PRCP: variants seen among roughly 807,000 people sequenced by gnomAD.
The protein encoded by PRCP is prolylcarboxypeptidase, also known as lysosomal Pro-X carboxypeptidase.
Under a neutral mutation model 54.2 loss-of-function variants are expected in PRCP, and 46 were observed. That is an observed-to-expected ratio of 0.85 (90% confidence interval 0.67 to 1.09). The LOEUF (loss-of-function observed/expected upper bound fraction) is 1.09. Among genes scored for constraint, PRCP ranks in the 50% least tolerant of loss-of-function variants. PRCP has a pLI of 0.00. For synonymous variants in PRCP, 240 were observed against 212.2 expected (o/e 1.13, Z -1.14); for missense variants, 613 against 596.8 (o/e 1.03, Z -0.28).
intron 1 of PRCP, among the ~76,000 whole-genome samples, chr11:82,868,874 A>G (rs1859406120): frequency 6.6e-6 from 1 of 151,970 alleles, no homozygotes; most frequent in Non-Finnish European, 1.5e-5. Flanking sequence ...CTTCTCTACA[A>G]AAATACAAAA....
At chr11:82,870,317 A>T (rs1859449093) in intron 1 of PRCP, among the ~76,000 whole-genome samples, 1 of 152,222 alleles carries the variant, frequency 6.6e-6, no homozygotes. Flanking sequence ...AACAGGGAAG[A>T]GGTATAATAC....
intron 1 of PRCP, among the ~76,000 whole-genome samples, chr11:82,894,687 C>T (rs1480936777): frequency 6.6e-6 from 1 of 152,076 alleles, no homozygotes; most frequent in African/African-American, 2.4e-5. Context: ...AGTATGCTGA[C>T]AGAGGAATAT....
At chr11:82,877,415 C>T (rs1859633048) in intron 1 of PRCP, among the ~76,000 whole-genome samples, 1 of 152,166 alleles carries the variant, frequency 6.6e-6, no homozygotes, top group Non-Finnish European at 1.5e-5. Flanking sequence ...TCAGAGACCA[C>T]ACGGCAGCCC....
At chr11:82,880,618 C>T (rs188703408) in intron 1 of PRCP, among the ~76,000 whole-genome samples, 19 of 152,310 alleles carry the variant, frequency 1.2e-4, no homozygotes, top group African/African-American at 4.6e-4. Context: ...ATGCTGGGAG[C>T]TGTAGACTGG....
At chr11:82,886,696 T>C (rs1343019078) in intron 1 of PRCP, among the ~76,000 whole-genome samples, 1 of 152,234 alleles carries the variant, frequency 6.6e-6, no homozygotes, top group Non-Finnish European at 1.5e-5. Flanking sequence ...GTTTAAATCC[T>C]GGCTCTATCA....
In PRCP at chr11:82,850,077, T is replaced by C. The variant is rs1366252101; in HGVS notation, c.594-6A>G. The C allele has an allele frequency of 1.5e-6, 2 of 1,367,688 alleles. No homozygotes were observed. Among genetic ancestry groups the C allele is most frequent in the African/African-American group, 1.5e-5 (1 of 65,962 alleles). The allele number at this position is 1,367,688 out of a possible 1,614,324, so 84.7% of individuals were successfully genotyped here. ...GGGCAGAAGCTGCAAGAGCTCTAAA[T>C]GGCAAGAAAATCAAAGAAAGAAAAA... On this transcript the variant is annotated splice_polypyrimidine_tract_variant and splice_region_variant and intron_variant, in intron 4 of 8. Transcript: ENST00000313010.
chr11:82,868,972 G>A (rs1196281625), intron 1 of PRCP, among the ~76,000 whole-genome samples: 2 of 152,148 alleles, frequency 1.3e-5, no homozygotes, highest in Non-Finnish European at 2.9e-5. Flanking sequence ...GGAGGCAGAG[G>A]TTGCGGTAAG....
rs550953724 is a variant in PRCP, at chr11:82,862,997, A to C, written c.169-2880T>G. On this transcript the variant is annotated intron_variant, in intron 1 of 8. Coordinates refer to ENST00000313010, the MANE Select transcript of PRCP (RefSeq NM_005040.4). Reference sequence around the variant, plus strand: ...AAGGCAGACAGACAGTGAAAGGAAGACGGATAAGTGATTCCACCTGCTTCC... The same window carrying C: ...AAGGCAGACAGACAGTGAAAGGAAGCCGGATAAGTGATTCCACCTGCTTCC... 6.5e-4 allele frequency among the ~76,000 whole-genome samples: 99 copies of C among 152,354 alleles called. 1 individual carries two copies. The highest frequency in any genetic ancestry group is 2.2e-3 in the African/African-American group (93 of 41,586).
intron 8 of PRCP, among the ~76,000 whole-genome samples, chr11:82,832,585 T>G (rs1858415589): frequency 6.6e-6 from 1 of 152,238 alleles, no homozygotes; most frequent in African/African-American, 2.4e-5. Flanking sequence ...TTTAAGTTCC[T>G]TGTAGATTCT....
intron 1 of PRCP, among the ~76,000 whole-genome samples, chr11:82,863,551 T>C (rs1859259500): frequency 6.6e-6 from 1 of 152,174 alleles, no homozygotes; most frequent in African/African-American, 2.4e-5. Context: ...CCTAATGATT[T>C]TCACCTCACC....
chr11:82,884,671 A>G, intron 1 of PRCP: 2 of 1,133,496 alleles, frequency 1.8e-6, no homozygotes, highest in South Asian at 2.7e-5. Context: ...CTCCTTCTGA[A>G]GACCACAAAT....
Position 82,900,166 on chromosome 11 carries a change from G to C in PRCP, c.168+69C>G, listed in dbSNP as rs890471819. 1.9e-6 allele frequency: 3 copies of C among 1,557,916 alleles called. No homozygotes were observed. The Admixed American group carries it at 5.4e-5, about 28-fold the overall frequency. On this transcript the variant is annotated intron_variant, in intron 1 of 8. Coordinates refer to ENST00000313010, the MANE Select transcript of PRCP (RefSeq NM_005040.4). ...TGTGAATTTCGAGGTAGGCTCCGTT[G>C]CCCGGGCTCTGAGGGTCAGGGTTCC...
chr11:82,838,864 T>C (rs1254716455), intron 7 of PRCP, among the ~76,000 whole-genome samples: 1 of 152,218 alleles, frequency 6.6e-6, no homozygotes, highest in Non-Finnish European at 1.5e-5. Context: ...GGAAAGTTTA[T>C]TATTATTAGT....
rs954509300 is a variant in PRCP, at chr11:82,884,914, C to T, written c.168+15321G>A. Reference sequence around the variant, plus strand: ...CAGGAAGTAAAGGCTTGATTTATTACTAATATATTTTGAAAGGTTTTACTA... The same window carrying T: ...CAGGAAGTAAAGGCTTGATTTATTATTAATATATTTTGAAAGGTTTTACTA... On this transcript the variant is annotated intron_variant, in intron 1 of 8. Coordinates refer to ENST00000313010, the MANE Select transcript of PRCP (RefSeq NM_005040.4). The T allele has an allele frequency of 2.5e-6, 4 of 1,610,562 alleles. No homozygotes were observed. The African/African-American group carries it at 5.4e-5, about 22-fold the overall frequency.
rs1858282177 is a variant in PRCP, at chr11:82,827,954, T to C, written c.1275-2832A>G. On this transcript the variant is annotated intron_variant, in intron 8 of 8. Coordinates refer to ENST00000313010, the MANE Select transcript of PRCP (RefSeq NM_005040.4). ...ATTTTTAATGTCTTTGTTTCCAATG[T>C]ATATATCTTGCACTTCTTTTGTTAA... is the stretch of plus-strand genomic sequence containing the variant. The C allele has an allele frequency of 2.0e-5, 3 of 152,338 alleles. No individual in the cohort carries two copies. In the South Asian group the frequency reaches 6.2e-4, roughly 32 times the overall value. 9.4% of individuals were successfully genotyped at this position (152,338 alleles called of 1,614,324 possible). A position where few individuals can be genotyped will look rare whatever the true frequency, so the allele number is the denominator to read the frequency against.
intron 2 of PRCP, among the ~76,000 whole-genome samples, chr11:82,855,587 C>G (rs374710802): frequency 3.3e-5 from 5 of 152,092 alleles, no homozygotes; most frequent in African/African-American, 9.6e-5. Flanking sequence ...CCACTGCACT[C>G]GAGCCTGGGC....
At chr11:82,831,400 C>A (rs116327611) in intron 8 of PRCP, 74 of 152,336 alleles carry the variant, frequency 4.9e-4, no homozygotes, top group African/African-American at 1.7e-3. Context: ...ACTCCACAGT[C>A]AACAAAACAG....
At chr11:82,855,562 C>T (rs986046633) in intron 2 of PRCP, among the ~76,000 whole-genome samples, 2 of 152,032 alleles carry the variant, frequency 1.3e-5, no homozygotes, top group Admixed American at 6.5e-5. Flanking sequence ...GAGCTTGCAG[C>T]GAGCCCAGAT....
At chr11:82,857,880 G>A (rs1859127073) in intron 2 of PRCP, among the ~76,000 whole-genome samples, 1 of 152,090 alleles carries the variant, frequency 6.6e-6, no homozygotes, top group African/African-American at 2.4e-5. Flanking sequence ...ACCTCTGCCT[G>A]CCCCACCTTG....
Sources: gnomAD v4.1 joint callset for allele counts (sites outside exome capture counted in the v4.1 genomes callset) on GRCh38, gnomAD v4.1.1 for gene constraint, MANE v1.5 for transcripts, NCBI Gene and HGNC (gene_info 2026-07-23, HGNC 2026-07-21) for gene names.